The following UNC13C variants were observed in gnomAD, a reference collection of about 807,000 sequenced individuals.
UNC13C encodes protein unc-13 homolog C.
UNC13C carries 174 observed loss-of-function variants against 245.4 expected under a neutral mutation model. The observed-to-expected ratio is 0.71, with a 90% CI of 0.63 to 0.80. The LOEUF is 0.80. UNC13C is among the 30% of genes least tolerant of loss of function. The pLI, the probability that UNC13C is intolerant of heterozygous loss-of-function variation, is 0.00. For missense variants in UNC13C, 2,829 were observed against 2,602.9 expected, an observed-to-expected ratio of 1.09 and a Z score of -1.89; for synonymous variants, 992 against 895.1, an observed-to-expected ratio of 1.11 and a Z score of -1.93.
chr15:54,058,682 C>T (rs1183598572), intron 2 of UNC13C, among the ~76,000 whole-genome samples: 3 of 152,174 alleles, frequency 2.0e-5, no homozygotes, highest in African/African-American at 4.8e-5. Flanking sequence ...AGACCAATAT[C>T]CTTGATGAAC....
At chr15:54,294,936 C>T (rs1175278713) in intron 11 of UNC13C, among the ~76,000 whole-genome samples, 3 of 152,048 alleles carry the variant, frequency 2.0e-5, no homozygotes, top group Non-Finnish European at 4.4e-5. Context: ...AAATGGAGGT[C>T]ACATTGAATT....
rs139411434 is a variant in UNC13C, at chr15:54,202,134, G to T, written c.3072-32896G>T. Among the ~76,000 whole-genome samples the T allele has an allele frequency of 3.6e-3, 551 of 151,908 alleles. 1 individual carries two copies. The highest frequency in any genetic ancestry group is 0.013 in the African/African-American group (537 of 41,474). On this transcript the variant is annotated intron_variant, in intron 4 of 32. Transcript: ENST00000260323. ...CCAAGAAGGTGAAAGACCTCTGCAA[G>T]AAAAACTACAAAACCCTGCTGAAAG...
intron 9 of UNC13C, among the ~76,000 whole-genome samples, chr15:54,264,871 C>T (rs1335792352): frequency 2.0e-5 from 3 of 151,826 alleles, no homozygotes; most frequent in Non-Finnish European, 2.9e-5. Flanking sequence ...CAGCGAGTGA[C>T]TGTGCAGCCT....
chr15:54,071,193 T>TA (rs966739355), intron 2 of UNC13C, among the ~76,000 whole-genome samples: 2 of 152,022 alleles, frequency 1.3e-5, no homozygotes, highest in African/African-American at 2.4e-5. Flanking sequence ...TTCCTTTTTT[T>TA]AAAAAAAATT....
chr15:54,038,411 G>A (rs1171565905), intron 2 of UNC13C, among the ~76,000 whole-genome samples: 1 of 151,846 alleles, frequency 6.6e-6, no homozygotes, highest in Non-Finnish European at 1.5e-5. Flanking sequence ...GGGATTACAG[G>A]CATGAACCAC....
At chr15:54,240,858 T>A (rs1299859660) in intron 7 of UNC13C, among the ~76,000 whole-genome samples, 2 of 152,192 alleles carry the variant, frequency 1.3e-5, no homozygotes, top group African/African-American at 4.8e-5. Flanking sequence ...GATAATTTCT[T>A]AGGTGTGAAT....
At chr15:53,887,966 G>A in the UNC13C span, among the ~76,000 whole-genome samples, 5 of 152,114 alleles carry the variant, frequency 3.3e-5, no homozygotes, top group African/African-American at 1.2e-4. Flanking sequence ...ATGGACATTT[G>A]GGTTGGTTCC....
chr15:54,547,619 A>G (rs767802604), intron 27 of UNC13C, among the ~76,000 whole-genome samples: 42 of 152,198 alleles, frequency 2.8e-4, no homozygotes, highest in Non-Finnish European at 4.6e-4. Flanking sequence ...GTGAAAGCAT[A>G]TGCCTAGAAA....
At chr15:54,060,898 A>T (rs1275606342) in intron 2 of UNC13C, among the ~76,000 whole-genome samples, 2 of 152,100 alleles carry the variant, frequency 1.3e-5, no homozygotes, top group South Asian at 4.1e-4. Context: ...GTTCTCACTC[A>T]TAGGTGGGAA....
downstream of UNC13C, chr15:54,630,382 G>C (rs971996714): frequency 2.0e-5 from 3 of 151,808 alleles, no homozygotes; most frequent in Admixed American, 6.6e-5. Flanking sequence ...TCTTTTATTT[G>C]GTCTTTTTTA....
intron 13 of UNC13C, among the ~76,000 whole-genome samples, chr15:54,313,237 C>T (rs2037921105): frequency 6.6e-6 from 1 of 151,830 alleles, no homozygotes; most frequent in Non-Finnish European, 1.5e-5. Flanking sequence ...GTGTTAACTG[C>T]TAAGTACTTC....
the UNC13C span, among the ~76,000 whole-genome samples, chr15:53,897,573 C>A: frequency 6.6e-6 from 1 of 152,192 alleles, no homozygotes; most frequent in South Asian, 2.1e-4. Context: ...TGCCATGGAA[C>A]CTGGCTATAC....
chr15:53,899,031 C>A, the UNC13C span, among the ~76,000 whole-genome samples: 1 of 151,730 alleles, frequency 6.6e-6, no homozygotes, highest in Admixed American at 6.6e-5. Context: ...ACTGGCTGGA[C>A]GTTCTTCCAA....
chr15:54,155,399 G>A (rs181803391), intron 4 of UNC13C, among the ~76,000 whole-genome samples: 5 of 152,096 alleles, frequency 3.3e-5, no homozygotes, highest in African/African-American at 7.2e-5. Flanking sequence ...GTGAAAACAC[G>A]TCATAAGTCC....
chr15:54,249,523 T>A (rs1400511889), intron 7 of UNC13C, among the ~76,000 whole-genome samples: 1 of 152,180 alleles, frequency 6.6e-6, no homozygotes, highest in Non-Finnish European at 1.5e-5. Flanking sequence ...AGACAGTTCC[T>A]GCTTATAGAG....
intron 1 of UNC13C, among the ~76,000 whole-genome samples, chr15:54,009,840 A>G (rs958070455): frequency 6.6e-6 from 1 of 152,166 alleles, no homozygotes; most frequent in African/African-American, 2.4e-5. Flanking sequence ...CAGCTAGTGT[A>G]TCACAGAGTT....
chr15:54,517,618 T>G (rs574449257), intron 24 of UNC13C, among the ~76,000 whole-genome samples: 16 of 152,252 alleles, frequency 1.1e-4, no homozygotes, highest in African/African-American at 3.8e-4. Context: ...AAAAAAGGTC[T>G]GAGCACACTG....
At chr15:53,894,092 A>T in the UNC13C span, among the ~76,000 whole-genome samples, 1 of 152,138 alleles carries the variant, frequency 6.6e-6, no homozygotes, top group Non-Finnish European at 1.5e-5. Flanking sequence ...TGGATAGGGG[A>T]GAAAATTCCC....
intron 17 of UNC13C, among the ~76,000 whole-genome samples, chr15:54,368,547 C>T (rs1020921816): frequency 6.6e-6 from 1 of 151,862 alleles, no homozygotes; most frequent in African/African-American, 2.4e-5. Context: ...AATGAGCCCC[C>T]GAGAAACCAA....
Sources: gnomAD v4.1 joint callset for allele counts (sites outside exome capture counted in the v4.1 genomes callset) on GRCh38, gnomAD v4.1.1 for gene constraint, MANE v1.5 for transcripts, NCBI Gene and HGNC (gene_info 2026-07-23, HGNC 2026-07-21) for gene names.